Variants in OSBP2 observed in about 807,000 individuals in gnomAD.
OSBP2 encodes oxysterol-binding protein 2.
In OSBP2, 66 loss-of-function variants were observed where a neutral mutation model predicts 96.0. The ratio of observed to expected loss-of-function variants is 0.69; its 90% CI spans 0.56 to 0.84. OSBP2 has a LOEUF of 0.84. OSBP2 is among the 40% of genes least tolerant of loss of function. The pLI is 0.00. For synonymous variants in OSBP2, 525 were observed against 520.9 expected, an observed-to-expected ratio of 1.01 and a Z score of -0.11; for missense variants, 1,038 against 1,222.7, an observed-to-expected ratio of 0.85 and a Z score of 2.25.
intron 3 of OSBP2, among the ~76,000 whole-genome samples, chr22:30,885,171 T>C (rs2092775690): frequency 6.6e-6 from 1 of 152,022 alleles, no homozygotes; most frequent in Non-Finnish European, 1.5e-5. Flanking sequence ...TCCTTTGGGG[T>C]GGGACAGCCT....
At chr22:30,741,114 C>T (rs1351291566) in intron 1 of OSBP2, 47 bp from the exon 2 acceptor site, 1 of 1,431,382 alleles carries the variant, frequency 7.0e-7, no homozygotes. Context: ...AGTCTGGAGC[C>T]ATTGAGATTA....
intron 2 of OSBP2, among the ~76,000 whole-genome samples, chr22:30,744,794 C>T (rs147568928): frequency 6.6e-6 from 1 of 151,994 alleles, no homozygotes; most frequent in Non-Finnish European, 1.5e-5. Context: ...ACAAATAAAT[C>T]AACTCTTAGG....
At chr22:30,878,193 CAATGCCAAGTG>C (rs1398446748) in intron 3 of OSBP2, among the ~76,000 whole-genome samples, 9 of 150,964 alleles carry the variant, frequency 6.0e-5, no homozygotes, top group African/African-American at 2.2e-4. Flanking sequence ...ACAAAGGACT[CAATGCCAAGTG>C]ACTCAATGCC....
chr22:30,822,679 A>C (rs1400288552), intron 2 of OSBP2: 2 of 1,533,870 alleles, frequency 1.3e-6, no homozygotes, highest in Admixed American at 3.9e-5. Context: ...CTCCTTCTGC[A>C]GCTCCGGCTG....
chr22:30,732,938 G>T (rs1298985749), intron 1 of OSBP2, among the ~76,000 whole-genome samples: 1 of 152,170 alleles, frequency 6.6e-6, no homozygotes, highest in African/African-American at 2.4e-5. Context: ...GGGCCACTTT[G>T]TATAAGGCTG....
At chr22:30,906,099 G>A in intron 13 of OSBP2, 30 bp downstream of exon 13, 1 of 1,596,206 alleles carries the variant, frequency 6.3e-7, no homozygotes, top group Non-Finnish European at 8.5e-7. Flanking sequence ...GCGCCCCGGA[G>A]GGGAGGAAAG....
rs1298614489 is a variant in OSBP2, at chr22:30,902,143, A to AC, written c.2376-3694_2376-3693insC. On this transcript the variant is annotated intron_variant, in intron 12 of 13. Transcript: ENST00000332585. ...AAAAAAACGAAAAAAAAAAAACCAAAAAAAAAAAACAGAGGGTCCCACGGC... is the reference window on the plus strand; with the variant it reads ...AAAAAAACGAAAAAAAAAAAACCAAACAAAAAAAAACAGAGGGTCCCACGGC... The AC allele has an allele frequency of 8.2e-5, 31 of 377,236 alleles. 1 individual carries two copies. The highest frequency in any genetic ancestry group is 6.0e-4 in the African/African-American group (25 of 41,844). 23.4% of individuals were successfully genotyped at this position (377,236 alleles called of 1,614,324 possible).
At chr22:30,838,168 G>A (rs144589906) in intron 2 of OSBP2, among the ~76,000 whole-genome samples, 4 of 152,128 alleles carry the variant, frequency 2.6e-5, no homozygotes, top group Admixed American at 6.5e-5. Context: ...AGGATTCCTC[G>A]TGTGGCAGCA....
intron 1 of OSBP2, among the ~76,000 whole-genome samples, chr22:30,699,265 A>C (rs1284523069): frequency 6.6e-6 from 1 of 152,174 alleles, no homozygotes; most frequent in Non-Finnish European, 1.5e-5. Context: ...CTTTAACCTT[A>C]TTTCAAAAAG....
chr22:30,780,617 C>A (rs1045285588), intron 2 of OSBP2, among the ~76,000 whole-genome samples: 1 of 152,162 alleles, frequency 6.6e-6, no homozygotes, highest in Non-Finnish European at 1.5e-5. Flanking sequence ...TATGCCACAG[C>A]CTCCCGAGTA....
intron 1 of OSBP2, among the ~76,000 whole-genome samples, chr22:30,722,284 T>G (rs963370945): frequency 9.2e-5 from 14 of 152,206 alleles, no homozygotes; most frequent in Admixed American, 2.0e-4. Flanking sequence ...ATTTTTTATT[T>G]TGGAAATTTT....
Position 30,882,950 on chromosome 22 carries a change from A to G in OSBP2, c.1108-4476A>G, listed in dbSNP as rs2039733929. ...CACCCTCAGATGTGAGTTTGTGGGA[A>G]TTCTTACCATGACCTTTGGCTACTA... On this transcript the variant is annotated intron_variant, in intron 3 of 13. Coordinates refer to ENST00000332585, the MANE Select transcript of OSBP2 (RefSeq NM_030758.4). Among the ~76,000 whole-genome samples the G allele has an allele frequency of 9.2e-5, 14 of 152,326 alleles. No individual in the cohort carries two copies. The South Asian group carries it at 2.7e-3, about 29-fold the overall frequency.
chr22:30,834,291 G>C (rs2038588465), intron 2 of OSBP2, among the ~76,000 whole-genome samples: 1 of 152,160 alleles, frequency 6.6e-6, no homozygotes, highest in Non-Finnish European at 1.5e-5. Flanking sequence ...AATCTTCTAT[G>C]AACTTTTCTA....
At chr22:30,854,746 A>C (rs1052775727) in intron 2 of OSBP2, among the ~76,000 whole-genome samples, 8 of 152,030 alleles carry the variant, frequency 5.3e-5, no homozygotes, top group African/African-American at 1.9e-4. Flanking sequence ...TTCAGCTTGA[A>C]GAACTTCCTT....
chr22:30,722,010 A>T (rs1057373280), intron 1 of OSBP2, among the ~76,000 whole-genome samples: 3 of 152,194 alleles, frequency 2.0e-5, no homozygotes, highest in African/African-American at 7.2e-5. Flanking sequence ...ATGATTTAAA[A>T]AACAAATCTG....
chr22:30,827,158 T>G (rs993342426), intron 2 of OSBP2, among the ~76,000 whole-genome samples: 1 of 151,950 alleles, frequency 6.6e-6, no homozygotes, highest in Non-Finnish European at 1.5e-5. Context: ...GGGTGAGATA[T>G]AGAAAGGGGC....
chr22:30,794,557 G>A lies in OSBP2; in HGVS notation c.853+53188G>A, dbSNP rs1414747446. On this transcript the variant is annotated intron_variant, in intron 2 of 13. Transcript: ENST00000332585. ...TGGGATTACAGGCGTGAGCCACCAC[G>A]CCCACCCTGTACCTTCTTTTTTTAA... 2.6e-5 allele frequency among the ~76,000 whole-genome samples: 4 copies of A among 151,820 alleles called. No homozygotes were observed. In the South Asian group the frequency reaches 8.3e-4, roughly 32 times the overall value.
At chr22:30,719,075 G>C (rs1050692709) in intron 1 of OSBP2, among the ~76,000 whole-genome samples, 19 of 152,102 alleles carry the variant, frequency 1.2e-4, no homozygotes, top group African/African-American at 4.6e-4. Flanking sequence ...TTCTAGAGAC[G>C]GGATTAGAGT....
At chr22:30,767,732 C>T (rs553259974) in intron 2 of OSBP2, among the ~76,000 whole-genome samples, 301 of 152,258 alleles carry the variant, frequency 2.0e-3, no homozygotes, top group Non-Finnish European at 3.4e-3. Context: ...CCAAGCTGGG[C>T]TCTGTTCAGT....
Sources: gnomAD v4.1 joint callset for allele counts (sites outside exome capture counted in the v4.1 genomes callset) on GRCh38, gnomAD v4.1.1 for gene constraint, MANE v1.5 for transcripts, NCBI Gene and HGNC (gene_info 2026-07-23, HGNC 2026-07-21) for gene names.